The following UNC5D variants were observed in gnomAD, a reference collection of about 807,000 sequenced individuals.
UNC5D encodes the protein unc-5 netrin receptor D, also known as netrin receptor UNC5D.
In UNC5D, 39 loss-of-function variants were observed where a neutral mutation model predicts 105.4. The observed-to-expected ratio is 0.37, with a 90% CI of 0.29 to 0.48. The LOEUF (loss-of-function observed/expected upper bound fraction) is 0.48, where lower values mean the gene tolerates loss of function less well. UNC5D is among the 20% of genes least tolerant of loss of function. The pLI is 0.98. For synonymous variants in UNC5D, 452 were observed against 450.4 expected, an observed-to-expected ratio of 1.00 and a Z score of -0.04; for missense variants, 991 against 1,202.4, an observed-to-expected ratio of 0.82 and a Z score of 2.60.
rs34672872 is a variant in UNC5D at position 35,728,095 on chromosome 8, A to AAAAAAATAT, written c.1681+1567_1681+1568insAAAAATATA. Among the ~76,000 whole-genome samples, 204 of 110,254 alleles carry AAAAAAATAT rather than the reference A, an allele frequency of 1.9e-3. 6 individuals are homozygous for AAAAAAATAT. Among genetic ancestry groups the AAAAAAATAT allele is most frequent in the East Asian group, 0.016 (57 of 3,638 alleles). The allele number at this position is 110,254 out of a possible 152,430, so 72.3% of individuals were successfully genotyped here. A position where few individuals can be genotyped will look rare whatever the true frequency, so the allele number is the denominator to read the frequency against. ...CTAAAAAAAAAAAAAAAAAAAAAAA[A>AAAAAAATAT]ATATATATATATATATGCCATAAAA... On this transcript the variant is annotated intron_variant, in intron 10 of 16. Transcript: ENST00000404895.
chr8:35,396,902 T>G (rs1222369316), intron 1 of UNC5D, among the ~76,000 whole-genome samples: 2 of 151,526 alleles, frequency 1.3e-5, no homozygotes, highest in Admixed American at 6.6e-5. Context: ...TTTTTGTTTG[T>G]TTGGTTTGTT....
chr8:35,322,234 A>C (rs1809804680), intron 1 of UNC5D, among the ~76,000 whole-genome samples: 1 of 152,150 alleles, frequency 6.6e-6, no homozygotes, highest in Non-Finnish European at 1.5e-5. Context: ...AAAGGTGCAC[A>C]TATTTATTGC....
At chr8:35,513,756 G>C (rs1237920003) in intron 1 of UNC5D, among the ~76,000 whole-genome samples, 3 of 152,148 alleles carry the variant, frequency 2.0e-5, no homozygotes, top group African/African-American at 4.8e-5. Context: ...ACAGAGTCTT[G>C]TATGGAGAAA....
At chr8:35,554,068 C>T (rs190055698) in intron 2 of UNC5D, among the ~76,000 whole-genome samples, 101 of 152,278 alleles carry the variant, frequency 6.6e-4, no homozygotes, top group African/African-American at 2.3e-3. Context: ...GGCATTCTGT[C>T]CTCACAGAAC....
At chr8:35,318,191 G>A (rs1809448625) in intron 1 of UNC5D, among the ~76,000 whole-genome samples, 1 of 151,748 alleles carries the variant, frequency 6.6e-6, no homozygotes, top group Admixed American at 6.6e-5. Context: ...CCCTAGGTTG[G>A]ACTTCAAATT....
intron 4 of UNC5D, among the ~76,000 whole-genome samples, chr8:35,679,397 G>A (rs1825500618): frequency 1.3e-5 from 2 of 152,172 alleles, no homozygotes; most frequent in Non-Finnish European, 2.9e-5. Flanking sequence ...TGCAAAGTGG[G>A]ATTGAGCCAT....
intron 3 of UNC5D, among the ~76,000 whole-genome samples, chr8:35,589,268 G>A (rs1818998124): frequency 6.6e-6 from 1 of 151,904 alleles, no homozygotes; most frequent in Non-Finnish European, 1.5e-5. Context: ...ATTTTTAATG[G>A]TTGCATAATG....
chr8:35,606,364 C>T (rs1820294978), intron 4 of UNC5D, among the ~76,000 whole-genome samples: 1 of 152,164 alleles, frequency 6.6e-6, no homozygotes, highest in Admixed American at 6.5e-5. Context: ...TTGATACATT[C>T]TTATTAAGGA....
At chr8:35,659,833 C>A (rs545044242) in intron 4 of UNC5D, among the ~76,000 whole-genome samples, 2 of 152,072 alleles carry the variant, frequency 1.3e-5, no homozygotes, top group Non-Finnish European at 2.9e-5. Flanking sequence ...CAAAGTCAGC[C>A]CCTGAAAAGC....
chr8:35,669,847 G>A (rs925819340), intron 4 of UNC5D, among the ~76,000 whole-genome samples: 1 of 152,080 alleles, frequency 6.6e-6, no homozygotes, highest in Non-Finnish European at 1.5e-5. Context: ...TTGACATGTT[G>A]AGCTGAAAGT....
In UNC5D at chr8:35,235,814, C is replaced by T. The variant is rs1802415021; in HGVS notation, c.30C>T (p.Gly10=). Residue 10 remains glycine, a synonymous_variant, in exon 1 of 17, where the codon GGC becomes GGT. Coordinates refer to ENST00000404895, the MANE Select transcript of UNC5D (RefSeq NM_080872.4). MGRAAATAG[G]GGGARRWLPW... ...GGAGAGCGGCGGCCACCGCAGGCGG[C>T]GGCGGAGGGGCGCGCCGCTGGCTCC... 8.1e-7 allele frequency: 1 copy of T among 1,229,964 alleles called. No homozygotes were observed. Among genetic ancestry groups the T allele is most frequent in the Non-Finnish European group, 1.0e-6 (1 of 986,412 alleles). The allele number at this position is 1,229,964 out of a possible 1,614,324, so 76.2% of individuals were successfully genotyped here.
At chr8:35,339,922 C>A (rs973209499) in intron 1 of UNC5D, among the ~76,000 whole-genome samples, 15 of 152,284 alleles carry the variant, frequency 9.9e-5, no homozygotes, top group African/African-American at 3.6e-4. Flanking sequence ...AGCCTGGGAA[C>A]TTTTGTCCTT....
chr8:35,253,103 T>C (rs578215897), intron 1 of UNC5D, among the ~76,000 whole-genome samples: 143 of 151,870 alleles, frequency 9.4e-4, no homozygotes, highest in Non-Finnish European at 3.1e-4. Context: ...AGCAAGCTAG[T>C]CTGTGTGTGT....
chr8:35,495,374 T>G (rs189072105), intron 1 of UNC5D, among the ~76,000 whole-genome samples: 1 of 146,644 alleles, frequency 6.8e-6, no homozygotes, highest in African/African-American at 2.6e-5. Flanking sequence ...TCTTTTAGCT[T>G]CCCTGGGCCA....
At chr8:35,647,989 A>G (rs1299089541) in intron 4 of UNC5D, among the ~76,000 whole-genome samples, 1 of 152,168 alleles carries the variant, frequency 6.6e-6, no homozygotes, top group Non-Finnish European at 1.5e-5. Flanking sequence ...TCAGGTCATT[A>G]ATTTCTTACT....
chr8:35,548,008 A>G (rs560134757), intron 1 of UNC5D, among the ~76,000 whole-genome samples: 2 of 152,332 alleles, frequency 1.3e-5, no homozygotes. Flanking sequence ...AATGTAGGCC[A>G]GAAGTCTCAA....
intron 1 of UNC5D, among the ~76,000 whole-genome samples, chr8:35,311,603 G>A (rs979108440): frequency 1.3e-5 from 2 of 152,048 alleles, no homozygotes; most frequent in Admixed American, 6.6e-5. Flanking sequence ...GTTTCATTTG[G>A]CAAGTACTCA....
intron 1 of UNC5D, among the ~76,000 whole-genome samples, chr8:35,517,097 C>A (rs1037706176): frequency 6.6e-6 from 1 of 152,144 alleles, no homozygotes; most frequent in Non-Finnish European, 1.5e-5. Context: ...TGTTGTCCAG[C>A]CTTTTGGTAG....
intron 1 of UNC5D, among the ~76,000 whole-genome samples, chr8:35,295,297 A>G (rs1043422812): frequency 1.1e-4 from 16 of 152,152 alleles, no homozygotes; most frequent in African/African-American, 3.9e-4. Flanking sequence ...TAGTATCTCT[A>G]TATACTTTGT....
Sources: gnomAD v4.1 joint callset for allele counts (sites outside exome capture counted in the v4.1 genomes callset) on GRCh38, gnomAD v4.1.1 for gene constraint, MANE v1.5 for transcripts, NCBI Gene and HGNC (gene_info 2026-07-23, HGNC 2026-07-21) for gene names.